Variants in KLRF1 observed in about 807,000 individuals in gnomAD.
The protein encoded by KLRF1 is killer cell lectin-like receptor subfamily F member 1.
KLRF1 carries 27 observed loss-of-function variants against 30.7 expected under a neutral mutation model. That is an observed-to-expected ratio of 0.88 (90% CI 0.65 to 1.21). The LOEUF is 1.21. Ranked by LOEUF, KLRF1 falls within the 50% of genes most tolerant of loss-of-function variation. The pLI, the probability that KLRF1 is intolerant of heterozygous loss-of-function variation, is 0.00. For missense variants in KLRF1, 246 were observed against 259.3 expected (o/e 0.95, Z 0.35); for synonymous variants, 92 against 89.3 (o/e 1.03, Z -0.17).
At chr12:9,815,204 A>T in the KLRF1 span, among the ~76,000 whole-genome samples, 1 of 152,236 alleles carries the variant, frequency 6.6e-6, no homozygotes. Flanking sequence ...GAACTATAGA[A>T]ATTGCACCTT....
chr12:9,841,855 T>C lies in KLRF1; in HGVS notation c.378T>C (p.Tyr126=), dbSNP rs202032382. 2.1e-4 allele frequency: 330 copies of C among 1,608,910 alleles called. No homozygotes were observed. The highest frequency in any genetic ancestry group is 2.2e-4 in the Non-Finnish European group (258 of 1,175,772). ...GGCTCAAATACCAAGGGAAGTGTTATTGGTTCTCTAATGAGATGAAAAGCT... is the reference window on the plus strand; with the variant it reads ...GGCTCAAATACCAAGGGAAGTGTTACTGGTTCTCTAATGAGATGAAAAGCT... The part of the protein sequence containing the change: ...SEWLKYQGKC[Y]WFSNEMKSWS... Residue 126 remains tyrosine (Y), a synonymous_variant, in exon 4 of 6, where the codon TAT becomes TAC. Transcript: ENST00000617889.
the KLRF1 span, among the ~76,000 whole-genome samples, chr12:9,807,226 A>T: frequency 6.6e-6 from 1 of 151,958 alleles, no homozygotes; most frequent in African/African-American, 2.4e-5. Context: ...GGTGCTGTTT[A>T]TACATATTAT....
chr12:9,830,810 C>T (rs910056895), intron 1 of KLRF1, among the ~76,000 whole-genome samples: 3 of 151,798 alleles, frequency 2.0e-5, no homozygotes, highest in East Asian at 1.9e-4. Context: ...TTTTGGTTTT[C>T]CATTTTATTA....
At chr12:9,842,540 A>C in intron 5 of KLRF1, 107 bp downstream of exon 5, 2 of 891,726 alleles carry the variant, frequency 2.2e-6, no homozygotes, top group South Asian at 2.4e-5. Flanking sequence ...TACAGAATTC[A>C]AAAGAATGAA....
the KLRF1 span, among the ~76,000 whole-genome samples, chr12:9,820,451 A>C: frequency 1.3e-5 from 2 of 152,102 alleles, no homozygotes; most frequent in East Asian, 3.9e-4. Context: ...CAGCTCTGCC[A>C]CTTCCTGGAC....
chr12:9,810,257 A>G, the KLRF1 span, among the ~76,000 whole-genome samples: 1 of 152,194 alleles, frequency 6.6e-6, no homozygotes, highest in Non-Finnish European at 1.5e-5. Context: ...CAAATTAACA[A>G]TGTGGTCCAA....
chr12:9,832,704 T>G (rs1424325109), intron 2 of KLRF1, among the ~76,000 whole-genome samples: 2 of 151,742 alleles, frequency 1.3e-5, no homozygotes, highest in Non-Finnish European at 1.5e-5. Context: ...TGTGTATGTG[T>G]GGTATTTGAA....
At chr12:9,843,654 C>A (rs754627191) in intron 5 of KLRF1, among the ~76,000 whole-genome samples, 1 of 152,074 alleles carries the variant, frequency 6.6e-6, no homozygotes, top group African/African-American at 2.4e-5. Context: ...CATCACTACC[C>A]GTTAGGGTTG....
the KLRF1 span, among the ~76,000 whole-genome samples, chr12:9,821,273 C>T: frequency 3.9e-5 from 6 of 152,102 alleles, no homozygotes; most frequent in East Asian, 1.2e-3. Flanking sequence ...CCAGTAACAG[C>T]AGCTCTGCAT....
chr12:9,842,183 T>A, intron 4 of KLRF1, 138 bp from the exon 5 acceptor site: 1 of 884,868 alleles, frequency 1.1e-6, no homozygotes, highest in Non-Finnish European at 1.7e-6. Flanking sequence ...TATGATATAA[T>A]GTGTGTATAA....
chr12:9,813,905 T>C, the KLRF1 span, among the ~76,000 whole-genome samples: 2 of 151,962 alleles, frequency 1.3e-5, no homozygotes, highest in Admixed American at 1.3e-4. Context: ...ACAGCACTGT[T>C]CCAGGACGGA....
chr12:9,837,874 C>G (rs1292022382), intron 3 of KLRF1, among the ~76,000 whole-genome samples: 1 of 152,140 alleles, frequency 6.6e-6, no homozygotes, highest in African/African-American at 2.4e-5. Flanking sequence ...TAACACCTCA[C>G]CTGACTTGAA....
the KLRF1 span, among the ~76,000 whole-genome samples, chr12:9,802,965 A>C: frequency 6.6e-6 from 1 of 152,126 alleles, no homozygotes; most frequent in Non-Finnish European, 1.5e-5. Flanking sequence ...AACTACTTTA[A>C]ATTTTATATG....
chr12:9,813,429 C>A, the KLRF1 span, among the ~76,000 whole-genome samples: 1 of 152,020 alleles, frequency 6.6e-6, no homozygotes, highest in Non-Finnish European at 1.5e-5. Context: ...CTCAGCCTCC[C>A]CAGTAGCTGG....
the KLRF1 span, among the ~76,000 whole-genome samples, chr12:9,819,508 A>G: frequency 2.6e-5 from 4 of 152,140 alleles, no homozygotes; most frequent in Admixed American, 2.6e-4. Context: ...CCAAAATAGC[A>G]CAGCTGCTCT....
At chr12:9,828,101 C>T (rs190697514) in intron 1 of KLRF1, among the ~76,000 whole-genome samples, 134 of 150,644 alleles carry the variant, frequency 8.9e-4, no homozygotes, top group African/African-American at 2.8e-3. Context: ...TTTTTTGAGA[C>T]GGAGTTTCAC....
intron 1 of KLRF1, among the ~76,000 whole-genome samples, chr12:9,829,923 A>G (rs1025836378): frequency 1.3e-5 from 2 of 152,226 alleles, no homozygotes; most frequent in African/African-American, 4.8e-5. Context: ...CTTTATAAAA[A>G]ATTATTCAGG....
At chr12:9,808,539 T>C in the KLRF1 span, among the ~76,000 whole-genome samples, 1 of 152,122 alleles carries the variant, frequency 6.6e-6, no homozygotes, top group African/African-American at 2.4e-5. Context: ...GACAGGATGG[T>C]AAGAAAACAG....
At chr12:9,832,585 A>G (rs1376959726) in intron 2 of KLRF1, among the ~76,000 whole-genome samples, 171 bp downstream of exon 2, 1 of 152,118 alleles carries the variant, frequency 6.6e-6, no homozygotes, top group Non-Finnish European at 1.5e-5. Flanking sequence ...TTTAATATGC[A>G]GTCAAATCAG....
Sources: allele counts gnomAD v4.1 joint callset (sites outside exome capture counted in the v4.1 genomes callset), GRCh38; gene constraint gnomAD v4.1.1; transcripts MANE v1.5; gene names NCBI Gene and HGNC (gene_info 2026-07-23, HGNC 2026-07-21).